Variants in LRBA observed in about 807,000 individuals in gnomAD.
LRBA encodes the protein LPS responsive beige-like anchor protein.
Under a neutral mutation model 330.0 loss-of-function variants are expected in LRBA, and 176 were observed. The ratio of observed to expected loss-of-function variants is 0.53; its 90% confidence interval spans 0.47 to 0.60. LRBA has a LOEUF of 0.60. Among genes scored for constraint, LRBA ranks in the 20% least tolerant of loss-of-function variants. The pLI is 0.00. For missense variants in LRBA, 3,259 were observed against 3,444.8 expected (o/e 0.95, Z 1.35); for synonymous variants, 1,230 against 1,193.0 (o/e 1.03, Z -0.64).
At chr4:150,281,077 A>G (rs1747444774) in intron 55 of LRBA, among the ~76,000 whole-genome samples, 1 of 152,228 alleles carries the variant, frequency 6.6e-6, no homozygotes, top group Admixed American at 6.5e-5. Context: ...GGAACTTCCC[A>G]GAGCCCCTGG....
At position 150,380,821 on chromosome 4, in the gene LRBA, C is replaced by CA. The variant is rs11301275; in HGVS notation, c.7195-30663dup. On this transcript the variant is annotated intron_variant, in intron 47 of 56. Coordinates refer to ENST00000651943, the MANE Select transcript of LRBA (RefSeq NM_001364905.1). The stretch of plus-strand genomic sequence containing the variant: ...TGAAACCCCGTCTCTACTAAAAATA[C>CA]AAAAAAAAAAATTAGCCAGGTGAGG... Among the ~76,000 whole-genome samples the CA allele has an allele frequency of 1.5e-3, 221 of 148,398 alleles. 1 individual carries two copies. The highest frequency in any genetic ancestry group is 5.0e-3 in the African/African-American group (199 of 40,198).
At chr4:150,532,677 T>C (rs1432550422) in intron 40 of LRBA, among the ~76,000 whole-genome samples, 1 of 152,132 alleles carries the variant, frequency 6.6e-6, no homozygotes, top group Non-Finnish European at 1.5e-5. Context: ...TGAAAAAGTC[T>C]ATAACTGTCA....
chr4:150,768,733 G>C (rs1438387527), intron 34 of LRBA, among the ~76,000 whole-genome samples: 1 of 75,730 alleles, frequency 1.3e-5, no homozygotes, highest in East Asian at 3.3e-4. Context: ...CCAGACATTT[G>C]AGGAAACCCT....
At chr4:150,844,819 T>A in intron 26 of LRBA, 40 bp from the exon 27 acceptor site, 1 of 1,556,696 alleles carries the variant, frequency 6.4e-7, no homozygotes. Flanking sequence ...AAAGAAAAGT[T>A]AATATTTAAG....
intron 37 of LRBA, among the ~76,000 whole-genome samples, chr4:150,644,950 A>G (rs1266364768): frequency 6.6e-6 from 1 of 151,784 alleles, no homozygotes; most frequent in Non-Finnish European, 1.5e-5. Flanking sequence ...TACCCTGCAA[A>G]AAATATTGGA....
chr4:150,271,101 A>AG (rs1746031410), intron 56 of LRBA, among the ~76,000 whole-genome samples: 1 of 152,134 alleles, frequency 6.6e-6, no homozygotes, highest in Admixed American at 6.5e-5. Flanking sequence ...TGGAAGCACA[A>AG]GGGGTCGGGG....
At chr4:151,004,703 C>T (rs973353804) in intron 2 of LRBA, among the ~76,000 whole-genome samples, 8 of 152,138 alleles carry the variant, frequency 5.3e-5, no homozygotes, top group African/African-American at 1.9e-4. Context: ...AATAAGGTAA[C>T]GGCTGGGCGC....
chr4:150,830,582 C>T (rs959275710), intron 29 of LRBA, among the ~76,000 whole-genome samples: 1 of 152,072 alleles, frequency 6.6e-6, no homozygotes, highest in African/African-American at 2.4e-5. Context: ...CAGGGATAAA[C>T]CATGCCCACC....
At chr4:150,597,611 CA>C (rs1175185624) in intron 38 of LRBA, among the ~76,000 whole-genome samples, 16 of 151,476 alleles carry the variant, frequency 1.1e-4, no homozygotes, top group Non-Finnish European at 1.6e-4. Flanking sequence ...AATTAAATTT[CA>C]AATTTTAAGT....
intron 40 of LRBA, chr4:150,582,408 C>CA (rs1426413729): frequency 6.6e-6 from 1 of 151,950 alleles, no homozygotes; most frequent in East Asian, 1.9e-4. Context: ...AGCAAACCTC[C>CA]AAGTGCACGG....
chr4:150,796,258 A>C (rs1174965884), intron 34 of LRBA, among the ~76,000 whole-genome samples: 1 of 151,974 alleles, frequency 6.6e-6, no homozygotes, highest in Non-Finnish European at 1.5e-5. Flanking sequence ...TTCACTTCTT[A>C]ACAAAATAAA....
chr4:150,566,052 A>T (rs1001060715), intron 40 of LRBA, among the ~76,000 whole-genome samples: 1 of 129,168 alleles, frequency 7.7e-6, no homozygotes, highest in Non-Finnish European at 1.7e-5. Flanking sequence ...ACACGGCAAG[A>T]TCCTGTCTCT....
intron 28 of LRBA, 35 bp from the exon 29 acceptor site, chr4:150,832,011 C>A: frequency 7.5e-7 from 1 of 1,328,610 alleles, no homozygotes; most frequent in East Asian, 2.6e-5. Flanking sequence ...GATTATGTAA[C>A]CATAAAATAA....
intron 56 of LRBA, among the ~76,000 whole-genome samples, chr4:150,275,245 A>G (rs1303079652): frequency 1.3e-5 from 2 of 152,262 alleles, no homozygotes; most frequent in East Asian, 3.9e-4. Flanking sequence ...CATCCTAAAA[A>G]CTCTCAATAA....
intron 36 of LRBA, among the ~76,000 whole-genome samples, chr4:150,698,747 A>T (rs1227650487): frequency 2.0e-5 from 3 of 152,182 alleles, no homozygotes; most frequent in African/African-American, 4.8e-5. Context: ...ATTTCTTGTT[A>T]TATGTATGTA....
At chr4:150,928,428 G>T (rs1223959634) in intron 4 of LRBA, 88 bp downstream of exon 4, 2 of 759,888 alleles carry the variant, frequency 2.6e-6, no homozygotes, top group East Asian at 5.2e-5. Context: ...ATTATCCCAT[G>T]TATAATAATA....
intron 40 of LRBA, among the ~76,000 whole-genome samples, chr4:150,502,269 G>C (rs1182198375): frequency 6.6e-6 from 1 of 152,204 alleles, no homozygotes; most frequent in African/African-American, 2.4e-5. Context: ...TGCCACAGAA[G>C]TGGGGGAAAG....
chr4:150,639,753 A>ATG (rs755120231), intron 37 of LRBA, among the ~76,000 whole-genome samples: 4,088 of 26,360 alleles, frequency 0.16, 1,467 homozygotes, highest in Middle Eastern at 0.23. Flanking sequence ...ATATATATAT[A>ATG]TATATATATA....
At chr4:150,402,308 C>A (rs1257354373) in intron 47 of LRBA, among the ~76,000 whole-genome samples, 1 of 149,624 alleles carries the variant, frequency 6.7e-6, no homozygotes, top group South Asian at 2.1e-4. Flanking sequence ...AATGCCTAAG[C>A]ATATTGCTAC....
Sources: allele counts gnomAD v4.1 joint callset (sites outside exome capture counted in the v4.1 genomes callset), GRCh38; gene constraint gnomAD v4.1.1; transcripts MANE v1.5; gene names NCBI Gene and HGNC (gene_info 2026-07-23, HGNC 2026-07-21).